C1QTNF2: variants seen among roughly 807,000 people sequenced by gnomAD.
C1QTNF2 encodes C1q and TNF related 2.
C1QTNF2 carries 15 observed loss-of-function variants against 17.4 expected under a neutral mutation model. That is an observed-to-expected ratio of 0.86 (90% CI 0.58 to 1.33). The LOEUF is 1.33. C1QTNF2 is among the 40% of genes most tolerant of loss of function. The pLI, the probability that C1QTNF2 is intolerant of heterozygous loss-of-function variation, is 0.00. For synonymous variants in C1QTNF2, 154 were observed against 163.3 expected, an observed-to-expected ratio of 0.94 and a Z score of 0.44; for missense variants, 381 against 392.3, an observed-to-expected ratio of 0.97 and a Z score of 0.24.
In C1QTNF2 at chr5:160,349,735, G is replaced by A; in HGVS notation, c.291C>T (p.Gly97=). The A allele has an allele frequency of 6.4e-7, 1 of 1,551,442 alleles. No individual in the cohort carries two copies. ...TGNRGKPGPK[G]KAGAIGRAGP... Reference sequence around the variant, plus strand: ...CAGCCCGCCCAATGGCCCCGGCTTTGCCCTTTGGTCCTGGCTTTCCCCGGT... The same window carrying A: ...CAGCCCGCCCAATGGCCCCGGCTTTACCCTTTGGTCCTGGCTTTCCCCGGT... Residue 97 remains glycine, a synonymous_variant, in exon 3 of 3, where the codon GGC becomes GGT. Transcript: ENST00000652664. This position sits in a 1 kb window ranked among gnomAD's most constrained non-coding sequence, Gnocchi z 4.3.
At chr5:160,367,798 C>T (rs1354847866) in intron 1 of C1QTNF2, among the ~76,000 whole-genome samples, 1 of 152,200 alleles carries the variant, frequency 6.6e-6, no homozygotes, top group East Asian at 1.9e-4. Context: ...CATCCCATTC[C>T]TATATACATT....
At position 160,354,915 on chromosome 5, in the gene C1QTNF2, G is replaced by A; in HGVS notation, c.97C>T (p.Gln33Ter). 1 of 1,601,190 alleles carries A rather than the reference G, an allele frequency of 6.2e-7. No homozygotes were observed. The highest frequency in any genetic ancestry group is 8.5e-7 in the Non-Finnish European group (1 of 1,174,352). The change falls in exon 2 of 3, where the codon CAA becomes TAA. Residue 33 changes from glutamine (Q) to a stop codon, truncating the protein, a stop_gained. Coordinates refer to ENST00000652664, the MANE Select transcript of C1QTNF2 (RefSeq NM_031908.6). LOFTEE classifies it high-confidence loss of function. ...ARRDFRKGSP[Q>*]LVCSLPGPQG... ...GGGCCAGGCAGGCTGCAGACCAGTTGAGGGGAGCCTTTCCGGAAGTCCCTG... is the reference window on the plus strand; with the variant it reads ...GGGCCAGGCAGGCTGCAGACCAGTTAAGGGGAGCCTTTCCGGAAGTCCCTG...
intron 1 of C1QTNF2, among the ~76,000 whole-genome samples, chr5:160,361,264 ATGGCCCTC>A (rs1764149350): frequency 6.6e-6 from 1 of 152,204 alleles, no homozygotes; most frequent in Non-Finnish European, 1.5e-5. Flanking sequence ...CCCACAGGAC[ATGGCCCTC>A]TGGTTTATTC....
In C1QTNF2 at chr5:160,349,171, T is replaced by C. The variant is rs745516206; in HGVS notation, c.855A>G (p.Val285=). ...CTGGAGGACCGCCGTGGCATGTCTA[T>C]ACCTCGTTGGGGTCATCCTGGTCGG... is the stretch of plus-strand genomic sequence containing the variant. ...IYADQDDPNE[V] Residue 285 remains valine (V), a synonymous_variant, in exon 3 of 3, where the codon GTA becomes GTG. Coordinates refer to ENST00000652664, the MANE Select transcript of C1QTNF2 (RefSeq NM_031908.6). This position sits in a 1 kb window ranked among gnomAD's most constrained non-coding sequence, Gnocchi z 4.3. 2.5e-6 allele frequency: 4 copies of C among 1,611,600 alleles called. No individual in the cohort carries two copies. In the East Asian group the frequency reaches 6.7e-5, roughly 27 times the overall value.
chr5:160,349,396 G>A lies in C1QTNF2; in HGVS notation c.630C>T (p.Ile210=), dbSNP rs1176156699. 3 of 1,614,030 alleles carry A rather than the reference G, an allele frequency of 1.9e-6. No homozygotes were observed. The highest frequency in any genetic ancestry group is 1.7e-6 in the Non-Finnish European group (2 of 1,180,014). Reference sequence around the variant, plus strand: ...GGTACTGGCCGTTGTGCACCAGGCCGATGGCCAGGTGCTTGTTGGCCAGCG... The same window carrying A: ...GGTACTGGCCGTTGTGCACCAGGCCAATGGCCAGGTGCTTGTTGGCCAGCG... The part of the protein sequence containing the change: ...DITLANKHLA[I]GLVHNGQYRI... The change falls in exon 3 of 3, where the codon ATC becomes ATT. Residue 210 remains isoleucine (I), a synonymous_variant. Coordinates refer to ENST00000652664, the MANE Select transcript of C1QTNF2 (RefSeq NM_031908.6). This position sits in a 1 kb window ranked among gnomAD's most constrained non-coding sequence, Gnocchi z 4.3.
At chr5:160,363,663 G>A (rs1170104425) in intron 1 of C1QTNF2, among the ~76,000 whole-genome samples, 3 of 152,198 alleles carry the variant, frequency 2.0e-5, no homozygotes, top group African/African-American at 7.2e-5. Flanking sequence ...ATAACGTGGT[G>A]GGCAGTGGAG....
intron 1 of C1QTNF2, among the ~76,000 whole-genome samples, chr5:160,359,670 A>C (rs1764115934): frequency 6.6e-6 from 1 of 152,194 alleles, no homozygotes; most frequent in Admixed American, 6.5e-5. Context: ...TGAGAGGCCC[A>C]CACTTGGATT....
chr5:160,361,351 C>G (rs972687290), intron 1 of C1QTNF2, among the ~76,000 whole-genome samples: 1 of 152,162 alleles, frequency 6.6e-6, no homozygotes. Flanking sequence ...TCTCATTGAT[C>G]CTTCCTGAAT....
chr5:160,359,954 C>G (rs1340026500), intron 1 of C1QTNF2, among the ~76,000 whole-genome samples: 1 of 152,182 alleles, frequency 6.6e-6, no homozygotes, highest in Non-Finnish European at 1.5e-5. Context: ...GCACCCACCC[C>G]CCCTACCTTT....
intron 1 of C1QTNF2, among the ~76,000 whole-genome samples, chr5:160,361,198 G>A (rs1350682760): frequency 2.6e-5 from 4 of 152,166 alleles, no homozygotes; most frequent in Non-Finnish European, 4.4e-5. Flanking sequence ...CTAGAAAAGC[G>A]CTAGGAGCTA....
intron 1 of C1QTNF2, among the ~76,000 whole-genome samples, chr5:160,359,720 G>A (rs1764117402): frequency 6.6e-6 from 1 of 152,160 alleles, no homozygotes; most frequent in Non-Finnish European, 1.5e-5. Context: ...CAGCCTCCTG[G>A]GCCCTGGGTC....
chr5:160,349,095 C>T lies in C1QTNF2; in HGVS notation c.*73G>A. ...CACTCGACCCCCCACCCCCAGCCTA[C>T]AGTTGTGGGGTCTTGCTCTGTAAGC... On this transcript the variant is annotated 3_prime_UTR_variant, in exon 3 of 3. Transcript: ENST00000652664. This position sits in a 1 kb window ranked among gnomAD's most constrained non-coding sequence, Gnocchi z 4.3. 6.6e-7 allele frequency: 1 copy of T among 1,519,456 alleles called. No homozygotes were observed. Among genetic ancestry groups the T allele is most frequent in the Non-Finnish European group, 8.8e-7 (1 of 1,132,236 alleles). 94.1% of individuals were successfully genotyped at this position (1,519,456 alleles called of 1,614,324 possible).
At position 160,349,497 on chromosome 5, in the gene C1QTNF2, C is replaced by G; in HGVS notation, c.529G>C (p.Gly177Arg). ...CCGCTGGAAGCATTGTAGTGGCCAC[C>G]CTCGTTCATCAGAATCTTGTCAAAC... The part of the protein sequence containing the change: ...IKFDKILMNE[G>R]GHYNASSGKF... The change falls in exon 3 of 3, where the codon GGT becomes CGT. Residue 177 changes from glycine (G) to arginine (R), a missense_variant. Physicochemically the swap from Gly to Arg is moderately radical, Grantham distance 125. Coordinates refer to ENST00000652664, the MANE Select transcript of C1QTNF2 (RefSeq NM_031908.6). This position sits in a 1 kb window ranked among gnomAD's most constrained non-coding sequence, Gnocchi z 4.3. 5 of 1,614,020 alleles carry G rather than the reference C, an allele frequency of 3.1e-6. No individual in the cohort carries two copies. The highest frequency in any genetic ancestry group is 4.2e-6 in the Non-Finnish European group (5 of 1,180,014).
In C1QTNF2 at chr5:160,370,602, C is replaced by T; in HGVS notation, c.-100G>A. 1.4e-6 allele frequency: 2 copies of T among 1,448,318 alleles called. No individual in the cohort carries two copies. The highest frequency in any genetic ancestry group is 1.8e-6 in the Non-Finnish European group (2 of 1,104,752). 89.7% of individuals were successfully genotyped at this position (1,448,318 alleles called of 1,614,324 possible). On this transcript the variant is annotated 5_prime_UTR_variant, in exon 1 of 3. Transcript: ENST00000652664. ...CCCGGCTTTCCTCAGCGGCAGCAGC[C>T]GGGCAGAGCGTCGGCCCCAGGCATA...
At chr5:160,350,530 A>G (rs556078136) in intron 2 of C1QTNF2, among the ~76,000 whole-genome samples, 2 of 152,122 alleles carry the variant, frequency 1.3e-5, no homozygotes, top group East Asian at 1.9e-4. Flanking sequence ...GTAGCCAGAC[A>G]GTCTCTACAA....
intron 2 of C1QTNF2, among the ~76,000 whole-genome samples, chr5:160,353,788 CTTTTTTTTTTTTTTTTTTT>C (rs200777932): frequency 1.7e-3 from 145 of 85,974 alleles, no homozygotes; most frequent in African/African-American, 4.8e-3. Flanking sequence ...ACTTCTCAGG[CTTTTTTTTTTTTTTTTTTT>C]TTTTTTTTTT....
intron 1 of C1QTNF2, among the ~76,000 whole-genome samples, chr5:160,357,601 T>C (rs1250285589): frequency 6.6e-6 from 1 of 152,190 alleles, no homozygotes; most frequent in Non-Finnish European, 1.5e-5. Flanking sequence ...ACCCCCAGAA[T>C]AGAAACTGAA....
At chr5:160,350,802 G>A (rs1763904188) in intron 2 of C1QTNF2, among the ~76,000 whole-genome samples, 1 of 150,324 alleles carries the variant, frequency 6.7e-6, no homozygotes, top group Admixed American at 6.6e-5. Flanking sequence ...CCAGGCTGGA[G>A]CACAGTGGCG....
In C1QTNF2 at chr5:160,354,891, G is replaced by T. The variant is rs746962513; in HGVS notation, c.121C>A (p.Pro41Thr). ...SPQLVCSLPG[P>T]QGPPGPPGAP... ...CCTGGGGGGCCGGGTGGGCCCTGGGGGCCAGGCAGGCTGCAGACCAGTTGA... is the reference window on the plus strand; with the variant it reads ...CCTGGGGGGCCGGGTGGGCCCTGGGTGCCAGGCAGGCTGCAGACCAGTTGA... The change falls in exon 2 of 3, where the codon CCC becomes ACC. Residue 41 changes from proline to threonine, a missense_variant. Physicochemically the swap from Pro to Thr is conservative, Grantham distance 38. Transcript: ENST00000652664. 1 of 1,604,728 alleles carries T rather than the reference G, an allele frequency of 6.2e-7. No individual in the cohort carries two copies. Among genetic ancestry groups the T allele is most frequent in the Admixed American group, 1.7e-5 (1 of 58,406 alleles).
Sources: gnomAD v4.1 joint callset for allele counts (sites outside exome capture counted in the v4.1 genomes callset) on GRCh38, gnomAD v4.1.1 for gene constraint, Gnocchi (gnomAD v3.1) non-coding constraint, MANE v1.5 for transcripts, NCBI Gene and HGNC (gene_info 2026-07-23, HGNC 2026-07-21) for gene names.